Variants in SLCO1A2 observed in about 807,000 individuals in gnomAD.
SLCO1A2 encodes solute carrier organic anion transporter family member 1A2, also known as OATP-1.
Under a neutral mutation model 69.0 loss-of-function variants are expected in SLCO1A2, and 67 were observed. The observed-to-expected ratio is 0.97, with a 90% CI of 0.80 to 1.19. The LOEUF is 1.19. SLCO1A2 is among the 50% of genes most tolerant of loss of function. The probability of loss-of-function intolerance (pLI) is 0.00; values close to 1 mark genes in which losing one functional copy is unlikely to be tolerated. For synonymous variants in SLCO1A2, 260 were observed against 265.9 expected (o/e 0.98, Z 0.22); for missense variants, 787 against 793.7 (o/e 0.99, Z 0.10).
chr12:21,299,907 T>C (rs1182623414), intron 8 of SLCO1A2, among the ~76,000 whole-genome samples: 1 of 147,194 alleles, frequency 6.8e-6, no homozygotes, highest in African/African-American at 2.5e-5. Flanking sequence ...TATATATACG[T>C]GTGTGTATAT....
At chr12:21,365,241 C>G (rs1236135225) in intron 2 of SLCO1A2, among the ~76,000 whole-genome samples, 2 of 152,000 alleles carry the variant, frequency 1.3e-5, no homozygotes, top group Admixed American at 6.6e-5. Flanking sequence ...GAAATAATAC[C>G]ACACATCTAC....
At chr12:21,276,865 A>C (rs1943954364) in intron 12 of SLCO1A2, among the ~76,000 whole-genome samples, 1 of 152,228 alleles carries the variant, frequency 6.6e-6, no homozygotes, top group African/African-American at 2.4e-5. Flanking sequence ...CTATCACCAG[A>C]AAGTAATCAC....
At chr12:21,300,022 GTA>G (rs1021283976) in intron 8 of SLCO1A2, among the ~76,000 whole-genome samples, 5 of 146,902 alleles carry the variant, frequency 3.4e-5, no homozygotes, top group African/African-American at 5.3e-5. Flanking sequence ...ATATATATGT[GTA>G]TATATGTGTG....
At chr12:21,414,255 G>T (rs1281923749) in intron 1 of SLCO1A2, among the ~76,000 whole-genome samples, 2 of 150,480 alleles carry the variant, frequency 1.3e-5, no homozygotes, top group African/African-American at 4.9e-5. Flanking sequence ...TGGAATTAAA[G>T]GATTGAGCCA....
At chr12:21,386,778 A>ATATTTTTAT (rs1940903832) in intron 1 of SLCO1A2, among the ~76,000 whole-genome samples, 3 of 152,084 alleles carry the variant, frequency 2.0e-5, no homozygotes, top group Non-Finnish European at 4.4e-5. Context: ...ATGTGGAAGC[A>ATATTTTTAT]ACTTTGGAAC....
intron 12 of SLCO1A2, among the ~76,000 whole-genome samples, chr12:21,285,788 G>C (rs188378235): frequency 6.6e-6 from 1 of 151,594 alleles, no homozygotes; most frequent in Admixed American, 6.6e-5. Flanking sequence ...TGCAGAAAAA[G>C]CCTTTGACAA....
At chr12:21,325,177 A>G (rs117350102) in intron 2 of SLCO1A2, among the ~76,000 whole-genome samples, 6,866 of 152,080 alleles carry the variant, frequency 0.045, 204 homozygotes, top group Middle Eastern at 0.092. Flanking sequence ...GGCTCAGGCA[A>G]TCTTACTAGT....
intron 3 of SLCO1A2, 65 bp from the exon 4 acceptor site, chr12:21,314,746 C>T (rs1950663550): frequency 8.3e-7 from 1 of 1,202,138 alleles, no homozygotes; most frequent in African/African-American, 1.5e-5. Flanking sequence ...AGAGCCTCAC[C>T]CAATCATTTA....
intron 2 of SLCO1A2, among the ~76,000 whole-genome samples, chr12:21,361,180 A>T (rs983708030): frequency 5.3e-5 from 8 of 152,160 alleles, no homozygotes; most frequent in African/African-American, 1.9e-4. Flanking sequence ...CCCCTCTAAG[A>T]CAAAGCTTCC....
At chr12:21,338,974 G>A (rs926608390), upstream of SLCO1A2, among the ~76,000 whole-genome samples, 2 of 151,972 alleles carry the variant, frequency 1.3e-5, no homozygotes, top group Admixed American at 6.6e-5. Context: ...ATTAATAGCA[G>A]ATTAATTGTG....
chr12:21,378,041 G>A (rs191911396), intron 1 of SLCO1A2, among the ~76,000 whole-genome samples: 1 of 152,136 alleles, frequency 6.6e-6, no homozygotes, highest in Non-Finnish European at 1.5e-5. Context: ...GAAAGATGTT[G>A]TATGATTTTC....
rs11454466 is a variant in SLCO1A2 at position 21,350,835 on chromosome 12, C to CAAAAAAAA, written c.-62-16134_-62-16127dup. Reference sequence around the variant, plus strand: ...CTGGTGACAGAGCAAGACTCTGTCTCAAAAAAAAAAAAAAAAAAAAAAAAA... The same window carrying CAAAAAAAA: ...CTGGTGACAGAGCAAGACTCTGTCTCAAAAAAAAAAAAAAAAAAAAAAAAAAAAAAAAA... On this transcript the variant is annotated intron_variant, in intron 2 of 15. Transcript: ENST00000307378. 1.2e-4 allele frequency among the ~76,000 whole-genome samples: 5 copies of CAAAAAAAA among 40,730 alleles called. 1 individual carries two copies. The South Asian group carries it at 4.7e-3, about 38-fold the overall frequency. The allele number at this position is 40,730 out of a possible 152,430, so 26.7% of individuals were successfully genotyped here. A position where few individuals can be genotyped will look rare whatever the true frequency, so the allele number is the denominator to read the frequency against.
At chr12:21,405,896 AT>A (rs1941816370) in intron 1 of SLCO1A2, among the ~76,000 whole-genome samples, 1 of 152,188 alleles carries the variant, frequency 6.6e-6, no homozygotes, top group Non-Finnish European at 1.5e-5. Context: ...AATTAACCTC[AT>A]TTTTAAACAT....
chr12:21,383,778 T>A (rs1591905194), intron 1 of SLCO1A2, among the ~76,000 whole-genome samples: 1 of 152,256 alleles, frequency 6.6e-6, no homozygotes, highest in African/African-American at 2.4e-5. Flanking sequence ...TTTGGTTATG[T>A]ATGCTCAAGT....
At chr12:21,302,041 G>A (rs1000075813) in intron 6 of SLCO1A2, among the ~76,000 whole-genome samples, 1 of 151,948 alleles carries the variant, frequency 6.6e-6, no homozygotes, top group Non-Finnish European at 1.5e-5. Flanking sequence ...CTAACTTCTT[G>A]GTTCCAACCC....
chr12:21,397,416 T>G (rs574993011), upstream of SLCO1A2, among the ~76,000 whole-genome samples: 51 of 152,096 alleles, frequency 3.4e-4, 1 homozygote, highest in Middle Eastern at 3.4e-3. Flanking sequence ...TCCCACACAT[T>G]AATAATGGGA....
intron 1 of SLCO1A2, among the ~76,000 whole-genome samples, chr12:21,402,170 A>C (rs1458885755): frequency 2.0e-5 from 3 of 151,016 alleles, no homozygotes; most frequent in Non-Finnish European, 4.4e-5. Context: ...TAATGGAAAA[A>C]AATTGTGGAG....
intron 2 of SLCO1A2, among the ~76,000 whole-genome samples, chr12:21,365,803 C>T (rs1939330333): frequency 6.6e-6 from 1 of 152,198 alleles, no homozygotes; most frequent in Non-Finnish European, 1.5e-5. Flanking sequence ...AAAAAATGCT[C>T]ATCATCACTG....
intron 4 of SLCO1A2, among the ~76,000 whole-genome samples, chr12:21,309,882 A>G (rs1324618890): frequency 6.6e-6 from 1 of 152,196 alleles, no homozygotes; most frequent in Non-Finnish European, 1.5e-5. Flanking sequence ...ATTGAAAGTG[A>G]TATGTGAGGA....
Sources: allele counts gnomAD v4.1 joint callset (sites outside exome capture counted in the v4.1 genomes callset), GRCh38; gene constraint gnomAD v4.1.1; transcripts MANE v1.5; gene names NCBI Gene and HGNC (gene_info 2026-07-23, HGNC 2026-07-21).